Variants in CDK19 observed in about 807,000 individuals in gnomAD.
The protein encoded by CDK19 is cyclin-dependent kinase 19.
A neutral mutation model predicts 68.3 loss-of-function variants in CDK19; 20 were observed. The observed-to-expected ratio is 0.29, with a 90% CI of 0.21 to 0.43. The LOEUF is 0.43. Among genes scored for constraint, CDK19 ranks in the 20% least tolerant of loss-of-function variants. The probability of loss-of-function intolerance (pLI) is 1.00; values close to 1 mark genes in which losing one functional copy is unlikely to be tolerated. For missense variants in CDK19, 339 were observed against 623.5 expected, an observed-to-expected ratio of 0.54 and a Z score of 4.86; for synonymous variants, 221 against 222.8, an observed-to-expected ratio of 0.99 and a Z score of 0.07.
chr6:110,688,069 G>A lies in CDK19; in HGVS notation c.205-17528C>T, dbSNP rs530416528. Among the ~76,000 whole-genome samples, 48 of 152,092 alleles carry A rather than the reference G, an allele frequency of 3.2e-4. 1 individual carries two copies. The South Asian group carries it at 8.9e-3, about 28-fold the overall frequency. ...TACACTTCAAACAAACACCCACAAC[G>A]GGGAAAGGTTCTTTTAAATAAAATA... is the stretch of plus-strand genomic sequence containing the variant. On this transcript the variant is annotated intron_variant, in intron 2 of 12. Coordinates refer to ENST00000368911, the MANE Select transcript of CDK19 (RefSeq NM_015076.5).
chr6:110,758,007 C>T (rs1345737015), intron 1 of CDK19, among the ~76,000 whole-genome samples: 3 of 151,926 alleles, frequency 2.0e-5, no homozygotes, highest in Non-Finnish European at 4.4e-5. Context: ...GCCTGGGCAA[C>T]GTGGCAAGAC....
At chr6:110,637,937 C>G (rs753330751) in intron 5 of CDK19, among the ~76,000 whole-genome samples, 3 of 152,134 alleles carry the variant, frequency 2.0e-5, no homozygotes, top group Non-Finnish European at 4.4e-5. Context: ...GAGCCAAGAT[C>G]GCGCCATTGC....
chr6:110,643,195 T>C (rs1195235240), intron 4 of CDK19: 1 of 1,287,962 alleles, frequency 7.8e-7, no homozygotes, highest in South Asian at 1.2e-5. Context: ...ACTTACCAAC[T>C]TAGGCCTGAC....
At chr6:110,744,250 A>ACC (rs35365072) in intron 2 of CDK19, among the ~76,000 whole-genome samples, 7 of 151,410 alleles carry the variant, frequency 4.6e-5, no homozygotes, top group Non-Finnish European at 8.8e-5. Context: ...CAGGTGATCC[A>ACC]CCCCCCCAAC....
At chr6:110,764,952 A>AAAATAAACAAATAAAT (rs1779470750) in intron 1 of CDK19, among the ~76,000 whole-genome samples, 1 of 141,048 alleles carries the variant, frequency 7.1e-6, no homozygotes, top group Non-Finnish European at 1.5e-5. Flanking sequence ...CTCCATCTCA[A>AAAATAAACAAATAAAT]AAATAAATAA....
Position 110,667,583 on chromosome 6 carries a change from T to A in CDK19, c.316-9A>T. The A allele has an allele frequency of 2.8e-6, 4 of 1,428,792 alleles. No individual in the cohort carries two copies. Among genetic ancestry groups the A allele is most frequent in the Admixed American group, 2.1e-5 (1 of 47,202 alleles). 88.5% of individuals were successfully genotyped at this position (1,428,792 alleles called of 1,614,324 possible). On this transcript the variant is annotated splice_polypyrimidine_tract_variant and intron_variant, in intron 3 of 12. Coordinates refer to ENST00000368911, the MANE Select transcript of CDK19 (RefSeq NM_015076.5). ...TGAAACTTAATAATATGCTAAAAAT[T>A]AAAAAAAAACATAATAATATAGTCT...
intron 2 of CDK19, among the ~76,000 whole-genome samples, chr6:110,689,003 A>G (rs9487487): frequency 6.6e-6 from 1 of 152,204 alleles, no homozygotes; most frequent in African/African-American, 2.4e-5. Flanking sequence ...TAAGGCTTAT[A>G]CCCTGGGGCA....
chr6:110,676,524 T>C (rs112056206), intron 2 of CDK19, among the ~76,000 whole-genome samples: 1,885 of 152,270 alleles, frequency 0.012, 33 homozygotes, highest in African/African-American at 0.043. Flanking sequence ...GAAGAGTTCA[T>C]TGATGCAGCA....
At chr6:110,784,016 C>T (rs1296086043) in intron 1 of CDK19, among the ~76,000 whole-genome samples, 2 of 151,548 alleles carry the variant, frequency 1.3e-5, no homozygotes, top group African/African-American at 2.4e-5. Context: ...AAAAATTAGC[C>T]GGCATGATGG....
At chr6:110,681,138 G>T (rs1771979979) in intron 2 of CDK19, among the ~76,000 whole-genome samples, 1 of 152,154 alleles carries the variant, frequency 6.6e-6, no homozygotes, top group East Asian at 1.9e-4. Flanking sequence ...TTGAGATCAG[G>T]AGTTCACGAC....
chr6:110,723,924 A>G (rs1454408613), intron 2 of CDK19, among the ~76,000 whole-genome samples: 1 of 152,216 alleles, frequency 6.6e-6, no homozygotes, highest in Non-Finnish European at 1.5e-5. Context: ...ACAAAATCCA[A>G]TAATACTGAA....
chr6:110,631,984 A>C (rs1779467476), intron 6 of CDK19, 46 bp downstream of exon 6: 1 of 1,532,952 alleles, frequency 6.5e-7, no homozygotes, highest in Admixed American at 2.0e-5. Context: ...TTTTATATTT[A>C]TGATCGTTAG....
chr6:110,633,438 A>G (rs923583895), intron 5 of CDK19, among the ~76,000 whole-genome samples: 9 of 152,218 alleles, frequency 5.9e-5, no homozygotes, highest in Non-Finnish European at 1.2e-4. Flanking sequence ...AAAACAGCAA[A>G]TGCTACAAAT....
chr6:110,727,737 C>G (rs1340787121), intron 2 of CDK19, among the ~76,000 whole-genome samples: 1 of 151,862 alleles, frequency 6.6e-6, no homozygotes, highest in African/African-American at 2.4e-5. Flanking sequence ...CTTTGGAAGG[C>G]CAAGGCAGGC....
intron 2 of CDK19, among the ~76,000 whole-genome samples, chr6:110,742,915 G>A (rs1049872391): frequency 3.3e-5 from 5 of 151,984 alleles, no homozygotes; most frequent in Non-Finnish European, 7.4e-5. Context: ...TGTGATCTTT[G>A]TGACCTACTC....
chr6:110,791,383 T>C (rs1781586127), intron 1 of CDK19, among the ~76,000 whole-genome samples: 1 of 152,030 alleles, frequency 6.6e-6, no homozygotes, highest in East Asian at 1.9e-4. Context: ...AAAGATATTA[T>C]TGATGGAAGG....
chr6:110,666,738 C>T lies in CDK19; in HGVS notation c.456+696G>A, dbSNP rs148051267. Among the ~76,000 whole-genome samples the T allele has an allele frequency of 3.1e-4, 47 of 152,236 alleles. No homozygotes were observed. The East Asian group carries it at 8.7e-3, about 28-fold the overall frequency. On this transcript the variant is annotated intron_variant, in intron 4 of 12. Transcript: ENST00000368911. ...TCACGTTGTGGGGCCAAAATAAAAC[C>T]TCCAACATAAACTGAGGAGAAAATG...
chr6:110,618,130 TCTCTA>T (rs1778462800), intron 12 of CDK19, among the ~76,000 whole-genome samples: 1 of 151,808 alleles, frequency 6.6e-6, no homozygotes. Flanking sequence ...ACTGCATGAC[TCTCTA>T]TTCATTTATT....
At chr6:110,704,412 TC>T (rs1582903887) in intron 2 of CDK19, among the ~76,000 whole-genome samples, 2 of 152,038 alleles carry the variant, frequency 1.3e-5, no homozygotes, top group African/African-American at 4.8e-5. Flanking sequence ...TTTATCCAAC[TC>T]TCCACCCCTC....
Sources: gnomAD v4.1 joint callset for allele counts (sites outside exome capture counted in the v4.1 genomes callset) on GRCh38, gnomAD v4.1.1 for gene constraint, MANE v1.5 for transcripts, NCBI Gene and HGNC (gene_info 2026-07-23, HGNC 2026-07-21) for gene names.